GRSF1: variants seen among roughly 807,000 people sequenced by gnomAD.
GRSF1 encodes G-rich RNA sequence binding factor 1, also known as G-rich sequence factor 1.
Under a neutral mutation model 51.1 loss-of-function variants are expected in GRSF1, and 50 were observed. The observed-to-expected ratio is 0.98, with a 90% CI of 0.78 to 1.24. GRSF1 has a LOEUF of 1.24. GRSF1 is among the 50% of genes most tolerant of loss of function. GRSF1 has a pLI of 0.00. For synonymous variants in GRSF1, 293 were observed against 253.3 expected (o/e 1.16, Z -1.49); for missense variants, 700 against 639.7 (o/e 1.09, Z -1.02).
rs1218549443 is a variant in GRSF1 at position 70,819,960 on chromosome 4, T to G, written c.*927A>C. 1 of 152,670 alleles carries G rather than the reference T, an allele frequency of 6.6e-6. No homozygotes were observed. Among genetic ancestry groups the G allele is most frequent in the Non-Finnish European group, 1.5e-5 (1 of 68,044 alleles). 9.5% of individuals were successfully genotyped at this position (152,670 alleles called of 1,614,324 possible). A position where few individuals can be genotyped will look rare whatever the true frequency, so the allele number is the denominator to read the frequency against. ...TATTTTTATTTAAGCAAGGCACCCC[T>G]ACTTGTTCTAAAATATGGGATGTAC... On this transcript the variant is annotated 3_prime_UTR_variant, in exon 10 of 10. Transcript: ENST00000254799.
chr4:70,830,972 T>G (rs2148842265), intron 5 of GRSF1, among the ~76,000 whole-genome samples: 1 of 152,268 alleles, frequency 6.6e-6, no homozygotes, highest in East Asian at 1.9e-4. Flanking sequence ...AAAACCCAGA[T>G]GAAGCAAATA....
intron 1 of GRSF1, among the ~76,000 whole-genome samples, chr4:70,837,200 A>T (rs1158508360): frequency 6.6e-6 from 1 of 152,188 alleles, no homozygotes; most frequent in Non-Finnish European, 1.5e-5. Flanking sequence ...GATTAAGTAA[A>T]ACTGGAATTT....
At chr4:70,823,118 G>A (rs1052947443) in intron 9 of GRSF1, among the ~76,000 whole-genome samples, 5 of 151,962 alleles carry the variant, frequency 3.3e-5, no homozygotes, top group African/African-American at 4.8e-5. Context: ...AAAGTAGGCC[G>A]GACACAGTGG....
chr4:70,839,180 G>A (rs1462402189), intron 1 of GRSF1: 1 of 1,374,494 alleles, frequency 7.3e-7, no homozygotes, highest in Non-Finnish European at 9.6e-7. Flanking sequence ...AACCTACCAT[G>A]GGCCAGGCGG....
At chr4:70,835,260 G>A (rs1399927388) in intron 2 of GRSF1, among the ~76,000 whole-genome samples, 3 of 150,884 alleles carry the variant, frequency 2.0e-5, no homozygotes, top group Admixed American at 6.6e-5. Context: ...TGGCTAACAC[G>A]GTGAAACCCC....
Position 70,839,625 on chromosome 4 carries a change from G to A in GRSF1, c.203C>T (p.Thr68Ile). ...AAASQTRGLQ[T>I]GPVPPGRLAG... ...CAGCCTCCCGGGAGGCACAGGCCCG[G>A]TCTGGAGGCCACGCGTCTGGGAGGC... Residue 68 changes from threonine to isoleucine, a missense_variant, in exon 1 of 10, where the codon ACC becomes ATC. Coordinates refer to ENST00000254799, the MANE Select transcript of GRSF1 (RefSeq NM_002092.4). 2.1e-6 allele frequency: 3 copies of A among 1,405,582 alleles called. No homozygotes were observed. The highest frequency in any genetic ancestry group is 2.7e-6 in the Non-Finnish European group (3 of 1,091,116). The allele number at this position is 1,405,582 out of a possible 1,614,324, so 87.1% of individuals were successfully genotyped here. A position where few individuals can be genotyped will look rare whatever the true frequency, so the allele number is the denominator to read the frequency against.
rs1578313011 is a variant in GRSF1, at chr4:70,839,548, A to AGGACGCGGCGGCCGC, written c.265_279dup (p.Ala89_Ser93dup). 2 of 1,427,618 alleles carry AGGACGCGGCGGCCGC rather than the reference A, an allele frequency of 1.4e-6. No homozygotes were observed. The highest frequency in any genetic ancestry group is 5.4e-5 in the Admixed American group (2 of 36,856). The allele number at this position is 1,427,618 out of a possible 1,614,324, so 88.4% of individuals were successfully genotyped here. ...AGCAGAGAGGCACGGAGGGCAGAGT[A>AGGACGCGGCGGCCGC]GGACGCGGCGGCCGCGGCCGCGGCA... On this transcript the variant is annotated inframe_insertion, in exon 1 of 10. Transcript: ENST00000254799.
chr4:70,838,660 T>C lies in GRSF1; in HGVS notation c.357+811A>G, dbSNP rs150626539. Among the ~76,000 whole-genome samples, 456 of 152,298 alleles carry C rather than the reference T, an allele frequency of 3.0e-3. 4 individuals are homozygous for C. Among genetic ancestry groups the C allele is most frequent in the Non-Finnish European group, 5.0e-3 (340 of 68,024 alleles). On this transcript the variant is annotated intron_variant, in intron 1 of 9. Transcript: ENST00000254799. ...CGTACCAAGAAGAGAAAGGTTCATC[T>C]ACAAAGCACAAAATATTTGCAATCT...
chr4:70,828,734 T>TG, intron 5 of GRSF1, among the ~76,000 whole-genome samples: 1 of 106,722 alleles, frequency 9.4e-6, no homozygotes, highest in East Asian at 2.9e-4. Flanking sequence ...CACACACTGC[T>TG]AATTTTTTTT....
intron 6 of GRSF1, among the ~76,000 whole-genome samples, chr4:70,826,870 CAT>C (rs1158148179): frequency 5.3e-5 from 8 of 151,896 alleles, no homozygotes; most frequent in Admixed American, 1.3e-4. Context: ...TATATATACA[CAT>C]ATATATAGTG....
At position 70,836,406 on chromosome 4, in the gene GRSF1, A is replaced by T. The variant is rs146656444; in HGVS notation, c.358-92T>A. ...TAGAAAATGTTTATTCTACAAACTA[A>T]CATTCTAGATGTTATTTCAGAAGCA... is the stretch of plus-strand genomic sequence containing the variant. On this transcript the variant is annotated intron_variant, in intron 1 of 9. Transcript: ENST00000254799. 226 of 954,374 alleles carry T rather than the reference A, an allele frequency of 2.4e-4. No homozygotes were observed. In the African/African-American group the frequency reaches 3.6e-3, roughly 15 times the overall value. 59.1% of individuals were successfully genotyped at this position (954,374 alleles called of 1,614,324 possible).
intron 9 of GRSF1, among the ~76,000 whole-genome samples, chr4:70,823,936 GT>G (rs1485709137): frequency 7.1e-6 from 1 of 141,812 alleles, no homozygotes; most frequent in Non-Finnish European, 1.5e-5. Flanking sequence ...ATGATTATTA[GT>G]TTATCAATAG....
chr4:70,835,416 G>A (rs575261695), intron 2 of GRSF1, among the ~76,000 whole-genome samples: 151 of 144,470 alleles, frequency 1.0e-3, no homozygotes, highest in African/African-American at 3.7e-3. Context: ...GCGACAGAGC[G>A]AGACTCCGTC....
At chr4:70,840,858 C>T (rs889877413), upstream of GRSF1, among the ~76,000 whole-genome samples, 5 of 152,036 alleles carry the variant, frequency 3.3e-5, no homozygotes, top group African/African-American at 9.7e-5. Context: ...GCTGTGCCAC[C>T]GAAACCCGTG....
rs534492949 is a variant in GRSF1 at position 70,836,341 on chromosome 4, A to G, written c.358-27T>C. ...TTCCAAAGGAAATGAAGAATTGTAAAAAGAGTTGCATTTACAGGTAAAAAA... is the reference window on the plus strand; with the variant it reads ...TTCCAAAGGAAATGAAGAATTGTAAGAAGAGTTGCATTTACAGGTAAAAAA... On this transcript the variant is annotated intron_variant, in intron 1 of 9. Coordinates refer to ENST00000254799, the MANE Select transcript of GRSF1 (RefSeq NM_002092.4). 3 of 1,483,150 alleles carry G rather than the reference A, an allele frequency of 2.0e-6. No homozygotes were observed. In the South Asian group the frequency reaches 4.0e-5, roughly 20 times the overall value. 91.9% of individuals were successfully genotyped at this position (1,483,150 alleles called of 1,614,324 possible). A position where few individuals can be genotyped will look rare whatever the true frequency, so the allele number is the denominator to read the frequency against.
rs1578308931 is a variant in GRSF1 at position 70,836,304 on chromosome 4, G to A, written c.368C>T (p.Thr123Ile). Residue 123 changes from threonine to isoleucine, a missense_variant, in exon 2 of 10, where the codon ACT (threonine) becomes ATT (isoleucine). Physicochemically the swap from Thr to Ile is moderately conservative, Grantham distance 89 (BLOSUM62 -1). Transcript: ENST00000254799. ...TGGTGGAAGGTCTTCCAGGTAAGTA[G>A]TTTTGGACTCCTTCCAAAGGAAATG... ...PTRSYSQESK[T>I]TYLEDLPPPP... The A allele has an allele frequency of 6.4e-7, 1 of 1,572,358 alleles. No homozygotes were observed. Among genetic ancestry groups the A allele is most frequent in the South Asian group, 1.2e-5 (1 of 83,916 alleles).
At chr4:70,839,378 G>A (rs1479977210) in intron 1 of GRSF1, 93 bp downstream of exon 1, 17 of 1,507,376 alleles carry the variant, frequency 1.1e-5, no homozygotes, top group African/African-American at 1.4e-5. Flanking sequence ...GGGCGTGCCC[G>A]CGAGGCGCAC....
intron 6 of GRSF1, among the ~76,000 whole-genome samples, chr4:70,827,080 T>C (rs769752827): frequency 1.3e-5 from 2 of 151,974 alleles, no homozygotes; most frequent in Admixed American, 1.3e-4. Flanking sequence ...CTGAGGTCAG[T>C]AGTTCAACGC....
At chr4:70,831,744 ATAC>A in intron 4 of GRSF1, 70 bp from the exon 5 acceptor site, 1 of 1,342,942 alleles carries the variant, frequency 7.4e-7, no homozygotes, top group Admixed American at 2.4e-5. Flanking sequence ...CATCATTCAC[ATAC>A]TAATAAAATT....
Sources: gnomAD v4.1 joint callset for allele counts (sites outside exome capture counted in the v4.1 genomes callset) on GRCh38, gnomAD v4.1.1 for gene constraint, MANE v1.5 for transcripts, NCBI Gene and HGNC (gene_info 2026-07-23, HGNC 2026-07-21) for gene names.